Variants in TMCC2 observed in about 807,000 individuals in gnomAD.
TMCC2 encodes the protein transmembrane and coiled-coil domains protein 2.
A neutral mutation model predicts 49.4 loss-of-function variants in TMCC2; 16 were observed. That is an observed-to-expected ratio of 0.32 (90% CI 0.22 to 0.49). The LOEUF (loss-of-function observed/expected upper bound fraction) is 0.49. TMCC2 is among the 20% of genes least tolerant of loss of function. The pLI, the probability that TMCC2 is intolerant of heterozygous loss-of-function variation, is 0.99. For synonymous variants in TMCC2, 397 were observed against 434.1 expected, an observed-to-expected ratio of 0.91 and a Z score of 1.06; for missense variants, 762 against 989.8, an observed-to-expected ratio of 0.77 and a Z score of 3.09.
rs1660249253 is a variant in TMCC2 at position 205,241,246 on chromosome 1, C to T, written c.208-259C>T. 6.6e-6 allele frequency among the ~76,000 whole-genome samples: 1 copy of T among 152,130 alleles called. No individual in the cohort carries two copies. The highest frequency in any genetic ancestry group is 1.5e-5 in the Non-Finnish European group (1 of 68,036). ...GAGCATCATTCCTAGAAACTCTGAACCTTCATTTTGATTAGGAATGTCCCG... is the reference window on the plus strand; with the variant it reads ...GAGCATCATTCCTAGAAACTCTGAATCTTCATTTTGATTAGGAATGTCCCG... On this transcript the variant is annotated intron_variant, in intron 1 of 4. Transcript: ENST00000358024. This position sits in a 1 kb window ranked among gnomAD's most constrained non-coding sequence, Gnocchi z 7.3.
At chr1:205,232,252 C>T (rs1409661182) in intron 1 of TMCC2, among the ~76,000 whole-genome samples, 1 of 152,182 alleles carries the variant, frequency 6.6e-6, no homozygotes, top group African/African-American at 2.4e-5. Flanking sequence ...ATGGACATTG[C>T]CTCACAGGAG....
chr1:205,238,706 T>C (rs137919277), intron 1 of TMCC2, among the ~76,000 whole-genome samples: 1 of 152,298 alleles, frequency 6.6e-6, no homozygotes, highest in African/African-American at 2.4e-5. Flanking sequence ...AAATACCCTA[T>C]CTACTTTAAA....
In TMCC2 at chr1:205,269,933, G is replaced by A. The variant is rs775392483; in HGVS notation, c.1682+49G>A. 8 of 1,560,516 alleles carry A rather than the reference G, an allele frequency of 5.1e-6. No individual in the cohort carries two copies. The Admixed American group carries it at 8.6e-5, about 17-fold the overall frequency. On this transcript the variant is annotated intron_variant, in intron 3 of 4. Transcript: ENST00000358024. Reference sequence around the variant, plus strand: ...TGCAGCCCAGCCGGACGTGGGATGAGGCAAGGAGCACTGGGTTTCAGACCC... The same window carrying A: ...TGCAGCCCAGCCGGACGTGGGATGAAGCAAGGAGCACTGGGTTTCAGACCC...
chr1:205,245,687 G>C (rs1401348990), intron 2 of TMCC2, among the ~76,000 whole-genome samples: 4 of 152,120 alleles, frequency 2.6e-5, no homozygotes, highest in African/African-American at 9.7e-5. Flanking sequence ...CTGTATAGCA[G>C]CTCAGGTTTG....
intron 2 of TMCC2, among the ~76,000 whole-genome samples, chr1:205,253,283 G>A (rs1036611933): frequency 1.3e-5 from 2 of 152,148 alleles, no homozygotes; most frequent in African/African-American, 4.8e-5. Context: ...AAAATTAAGG[G>A]AAGAGAAAGA....
chr1:205,238,066 G>A (rs987193687), intron 1 of TMCC2, among the ~76,000 whole-genome samples: 1 of 152,166 alleles, frequency 6.6e-6, no homozygotes, highest in Non-Finnish European at 1.5e-5. Context: ...GTTTCTGGCA[G>A]CCAGGGAAAA....
intron 2 of TMCC2, among the ~76,000 whole-genome samples, chr1:205,261,092 T>C (rs1305972273): frequency 6.6e-6 from 1 of 152,316 alleles, no homozygotes; most frequent in Non-Finnish European, 1.5e-5. Context: ...GTTAACTTTT[T>C]GAGGAACTCC....
chr1:205,234,684 T>C (rs550352693), intron 1 of TMCC2, among the ~76,000 whole-genome samples: 1 of 151,740 alleles, frequency 6.6e-6, no homozygotes, highest in African/African-American at 2.4e-5. Flanking sequence ...TTTTTTGAGA[T>C]GGAATCTCAT....
At chr1:205,229,943 G>A (rs1055590395) in intron 1 of TMCC2, 1 of 985,352 alleles carries the variant, frequency 1.0e-6, no homozygotes, top group African/African-American at 1.7e-5. Flanking sequence ...GTCCAGCTGA[G>A]CGAGATGTCA....
In TMCC2 at chr1:205,246,442, G is replaced by C. The variant is rs1574843090; in HGVS notation, c.747+4398G>C. 6 of 1,340,608 alleles carry C rather than the reference G, an allele frequency of 4.5e-6. No homozygotes were observed. The East Asian group carries it at 1.8e-4, about 39-fold the overall frequency. The allele number at this position is 1,340,608 out of a possible 1,614,324, so 83.0% of individuals were successfully genotyped here. On this transcript the variant is annotated intron_variant, in intron 2 of 4. Transcript: ENST00000358024. ...GAGTTCTGGGGAGAGATCCAAGCTA[G>C]AGGCATAAATTTGGGAGTTGTCAGC...
At chr1:205,231,609 C>T (rs1290034782) in intron 1 of TMCC2, among the ~76,000 whole-genome samples, 1 of 152,202 alleles carries the variant, frequency 6.6e-6, no homozygotes, top group African/African-American at 2.4e-5. Flanking sequence ...TCCAAACTTG[C>T]TTTCCAGTGC....
intron 1 of TMCC2, among the ~76,000 whole-genome samples, chr1:205,240,073 T>A (rs76548939): frequency 0.013 from 2,039 of 152,358 alleles, 52 homozygotes; most frequent in African/African-American, 0.047. Context: ...CAGGAAATCC[T>A]GCTATGGCTC....
chr1:205,228,497 AG>A lies in TMCC2; in HGVS notation c.-63del. 7.3e-7 allele frequency: 1 copy of A among 1,376,614 alleles called. No homozygotes were observed. The highest frequency in any genetic ancestry group is 1.0e-6 in the Non-Finnish European group (1 of 996,700). 85.3% of individuals were successfully genotyped at this position (1,376,614 alleles called of 1,614,324 possible). A position where few individuals can be genotyped will look rare whatever the true frequency, so the allele number is the denominator to read the frequency against. ...ACCCCAGGCCTCATATGAATATAAG[AG>A]GGGGTGCGGTCTTCCCCAAGACGGC... On this transcript the variant is annotated 5_prime_UTR_variant, in exon 1 of 5. Coordinates refer to ENST00000358024, the MANE Select transcript of TMCC2 (RefSeq NM_014858.4).
chr1:205,267,549 C>T (rs546244795), intron 2 of TMCC2, among the ~76,000 whole-genome samples: 1 of 152,176 alleles, frequency 6.6e-6, no homozygotes, highest in South Asian at 2.1e-4. Flanking sequence ...TGTTGTATGG[C>T]GATAAGACAC....
chr1:205,264,501 T>C lies in TMCC2; in HGVS notation c.748-4449T>C, dbSNP rs1337731918. On this transcript the variant is annotated intron_variant, in intron 2 of 4. Transcript: ENST00000358024. This position sits in a 1 kb window ranked among gnomAD's most constrained non-coding sequence, Gnocchi z 4.2. ...ACTCAGTTAATTTTGTTTTTTTTTT[T>C]TGGGACGGAGTCTCGCTCTGTTGCC... Among the ~76,000 whole-genome samples the C allele has an allele frequency of 2.6e-5, 4 of 151,554 alleles. No homozygotes were observed. Among genetic ancestry groups the C allele is most frequent in the East Asian group, 1.9e-4 (1 of 5,166 alleles).
Position 205,269,671 on chromosome 1 carries a change from G to T in TMCC2, c.1469G>T (p.Gly490Val). 1 of 1,613,908 alleles carries T rather than the reference G, an allele frequency of 6.2e-7. No individual in the cohort carries two copies. Among genetic ancestry groups the T allele is most frequent in the Non-Finnish European group, 8.5e-7 (1 of 1,179,940 alleles). ...SSASASSAGA[G>V]SNSGAGPGGA... is the part of the protein sequence containing the mutation. ...GCCAGCGCCAGCTCAGCCGGGGCAG[G>T]CAGCAACTCTGGGGCTGGGCCTGGT... Residue 490 changes from glycine to valine, a missense_variant, in exon 3 of 5, where the codon GGC becomes GTC. Gly to Val is a moderately radical substitution (Grantham distance 109). Coordinates refer to ENST00000358024, the MANE Select transcript of TMCC2 (RefSeq NM_014858.4).
intron 2 of TMCC2, among the ~76,000 whole-genome samples, chr1:205,254,758 C>T (rs1660794846): frequency 1.3e-5 from 2 of 152,108 alleles, no homozygotes; most frequent in South Asian, 4.1e-4. Context: ...GCAGGAAACT[C>T]TTTCTGTTGC....
chr1:205,251,815 T>C (rs976827588), intron 2 of TMCC2, among the ~76,000 whole-genome samples: 2 of 152,224 alleles, frequency 1.3e-5, no homozygotes, highest in Non-Finnish European at 2.9e-5. Context: ...ATGCTACAGT[T>C]TGCAGAATGC....
chr1:205,268,105 G>A (rs183483190), intron 2 of TMCC2: 55 of 982,400 alleles, frequency 5.6e-5, no homozygotes, highest in Middle Eastern at 5.2e-4. Context: ...AGGGTGGCCC[G>A]CTGAGCTGCG....
Sources: allele counts gnomAD v4.1 joint callset (sites outside exome capture counted in the v4.1 genomes callset), GRCh38; gene constraint gnomAD v4.1.1; non-coding constraint Gnocchi (gnomAD v3.1); transcripts MANE v1.5; gene names NCBI Gene and HGNC (gene_info 2026-07-23, HGNC 2026-07-21).